Variants in IRAK2 observed in about 807,000 individuals in gnomAD.
IRAK2 encodes the protein interleukin 1 receptor associated kinase 2.
Under a neutral mutation model 72.0 loss-of-function variants are expected in IRAK2, and 57 were observed. The ratio of observed to expected loss-of-function variants is 0.79; its 90% confidence interval spans 0.64 to 0.99. The LOEUF is 0.99. Among genes scored for constraint, IRAK2 ranks in the 50% least tolerant of loss-of-function variants. The pLI is 0.00. For synonymous variants in IRAK2, 293 were observed against 312.7 expected, an observed-to-expected ratio of 0.94 and a Z score of 0.67; for missense variants, 790 against 794.4, an observed-to-expected ratio of 0.99 and a Z score of 0.07.
At chr3:10,192,865 G>A (rs1697199318) in intron 2 of IRAK2, among the ~76,000 whole-genome samples, 1 of 152,208 alleles carries the variant, frequency 6.6e-6, no homozygotes, top group Non-Finnish European at 1.5e-5. Context: ...GTTGTAATGA[G>A]CAGAGATCGT....
At chr3:10,196,931 A>T (rs1475589033) in intron 2 of IRAK2, among the ~76,000 whole-genome samples, 1 of 152,140 alleles carries the variant, frequency 6.6e-6, no homozygotes, top group Non-Finnish European at 1.5e-5. Flanking sequence ...AACGCTACTC[A>T]CACTAGCTTG....
intron 2 of IRAK2, among the ~76,000 whole-genome samples, chr3:10,190,480 A>G (rs1002432863): frequency 6.6e-6 from 1 of 151,862 alleles, no homozygotes; most frequent in African/African-American, 2.4e-5. Flanking sequence ...TGAGTGGCTA[A>G]GGACAGGTCA....
intron 3 of IRAK2, among the ~76,000 whole-genome samples, chr3:10,206,245 A>G (rs1195000716): frequency 6.6e-6 from 1 of 152,030 alleles, no homozygotes; most frequent in Non-Finnish European, 1.5e-5. Context: ...TGCCTAGTGT[A>G]CCCTCTGCAC....
chr3:10,220,766 A>G (rs1387717331), intron 8 of IRAK2, among the ~76,000 whole-genome samples: 1 of 151,960 alleles, frequency 6.6e-6, no homozygotes, highest in Non-Finnish European at 1.5e-5. Flanking sequence ...ATTTGATTGC[A>G]TCAATAATTC....
At chr3:10,183,861 G>A (rs779185362) in intron 2 of IRAK2, among the ~76,000 whole-genome samples, 1 of 152,204 alleles carries the variant, frequency 6.6e-6, no homozygotes, top group Non-Finnish European at 1.5e-5. Context: ...AGCCATCCAT[G>A]TCTTGGGCTC....
chr3:10,177,779 A>G lies in IRAK2; in HGVS notation c.95-59A>G, dbSNP rs2306695. ...AGCCCAGCTAGGGGCTAGTGTGGGGACCTGTCCTAGAGGGACTGCCTCTCT... is the reference window on the plus strand; with the variant it reads ...AGCCCAGCTAGGGGCTAGTGTGGGGGCCTGTCCTAGAGGGACTGCCTCTCT... On this transcript the variant is annotated intron_variant, in intron 1 of 12. Coordinates refer to ENST00000256458, the MANE Select transcript of IRAK2 (RefSeq NM_001570.4). 5.3e-5 allele frequency: 82 copies of G among 1,540,294 alleles called. No individual in the cohort carries two copies. The East Asian group carries it at 1.6e-3, about 30-fold the overall frequency.
chr3:10,239,416 AAC>A (rs1335499439), intron 12 of IRAK2, among the ~76,000 whole-genome samples: 1 of 152,146 alleles, frequency 6.6e-6, no homozygotes, highest in African/African-American at 2.4e-5. Flanking sequence ...AGCTTTTAAA[AAC>A]ACAGTGCCGG....
In IRAK2 at chr3:10,208,109, G is replaced by A. The variant is rs139756553; in HGVS notation, c.425-1480G>A. On this transcript the variant is annotated intron_variant, in intron 3 of 12. Transcript: ENST00000256458. ...CTGGTAGGGGGGCTCCTCGGTGGGC[G>A]CAGGCACAGACTGTGGGTGAGGTGG... 5.3e-3 allele frequency among the ~76,000 whole-genome samples: 808 copies of A among 151,894 alleles called. 8 individuals are homozygous for A. Among genetic ancestry groups the A allele is most frequent in the African/African-American group, 0.018 (746 of 41,422 alleles).
chr3:10,177,737 G>C lies in IRAK2; in HGVS notation c.95-101G>C, dbSNP rs969641003. The C allele has an allele frequency of 6.1e-6, 7 of 1,155,772 alleles. No individual in the cohort carries two copies. In the African/African-American group the frequency reaches 1.0e-4, roughly 17 times the overall value. 71.6% of individuals were successfully genotyped at this position (1,155,772 alleles called of 1,614,324 possible). A position where few individuals can be genotyped will look rare whatever the true frequency, so the allele number is the denominator to read the frequency against. Reference sequence around the variant, plus strand: ...TTTCCAGTGTGGAGGCGGTGGTTGGGGAGGATGTCCTGGAAAAGCCCAGCT... The same window carrying C: ...TTTCCAGTGTGGAGGCGGTGGTTGGCGAGGATGTCCTGGAAAAGCCCAGCT... On this transcript the variant is annotated intron_variant, in intron 1 of 12. Transcript: ENST00000256458.
intron 12 of IRAK2, among the ~76,000 whole-genome samples, chr3:10,239,426 C>T (rs1421658420): frequency 1.3e-5 from 2 of 152,108 alleles, no homozygotes; most frequent in Admixed American, 6.6e-5. Flanking sequence ...AACACAGTGC[C>T]GGCCAGGCGA....
In IRAK2 at chr3:10,216,915, C is replaced by T; in HGVS notation, c.789-19C>T. On this transcript the variant is annotated intron_variant, in intron 6 of 12. Coordinates refer to ENST00000256458, the MANE Select transcript of IRAK2 (RefSeq NM_001570.4). Reference sequence around the variant, plus strand: ...CTTTCCGTCTGACTCCTCACACCTGCACTGACGCCCGATTCCAGATGCTGC... The same window carrying T: ...CTTTCCGTCTGACTCCTCACACCTGTACTGACGCCCGATTCCAGATGCTGC... The T allele has an allele frequency of 6.3e-7, 1 of 1,578,424 alleles. No individual in the cohort carries two copies. Among genetic ancestry groups the T allele is most frequent in the Non-Finnish European group, 8.7e-7 (1 of 1,147,368 alleles).
chr3:10,191,043 C>A (rs1697166846), intron 2 of IRAK2, among the ~76,000 whole-genome samples: 1 of 151,998 alleles, frequency 6.6e-6, no homozygotes. Context: ...GCCTGTAATC[C>A]CAGCACTTTG....
At chr3:10,217,504 G>A (rs1257283664) in intron 7 of IRAK2, among the ~76,000 whole-genome samples, 1 of 152,144 alleles carries the variant, frequency 6.6e-6, no homozygotes, top group African/African-American at 2.4e-5. Context: ...ATGGAAAAGT[G>A]GAGGTGAATT....
intron 6 of IRAK2, among the ~76,000 whole-genome samples, chr3:10,215,969 G>T (rs180742122): frequency 3.3e-4 from 50 of 152,282 alleles, no homozygotes; most frequent in African/African-American, 9.6e-4. Flanking sequence ...GAGGTTTATG[G>T]TCCAGTGGGG....
At chr3:10,201,311 G>A (rs1035081911) in intron 3 of IRAK2, among the ~76,000 whole-genome samples, 3 of 152,198 alleles carry the variant, frequency 2.0e-5, no homozygotes, top group Non-Finnish European at 4.4e-5. Context: ...GTGGTCTCCC[G>A]TGTCCCCAGC....
intron 2 of IRAK2, among the ~76,000 whole-genome samples, chr3:10,195,902 A>C (rs1241989949): frequency 6.6e-6 from 1 of 151,960 alleles, no homozygotes; most frequent in Non-Finnish European, 1.5e-5. Flanking sequence ...TTGAGGAGGG[A>C]GGGTGGAGGG....
chr3:10,242,842 T>G lies in IRAK2; in HGVS notation c.*614T>G, dbSNP rs1408298880. 2 of 152,222 alleles carry G rather than the reference T, an allele frequency of 1.3e-5. No individual in the cohort carries two copies. Among genetic ancestry groups the G allele is most frequent in the Non-Finnish European group, 2.9e-5 (2 of 68,076 alleles). 9.4% of individuals were successfully genotyped at this position (152,222 alleles called of 1,614,324 possible). ...TCAACTTGTGTCTCAGTGCAGTTCT[T>G]GACTCACCTCTCTGGGCCTCAGGTT... On this transcript the variant is annotated 3_prime_UTR_variant, in exon 13 of 13. Coordinates refer to ENST00000256458, the MANE Select transcript of IRAK2 (RefSeq NM_001570.4).
chr3:10,230,145 G>A (rs578256233), intron 10 of IRAK2, among the ~76,000 whole-genome samples: 110 of 152,170 alleles, frequency 7.2e-4, no homozygotes, highest in African/African-American at 2.6e-3. Context: ...TTCTGACAGG[G>A]ACATATCTCC....
intron 12 of IRAK2, 53 bp downstream of exon 12, chr3:10,239,092 C>T (rs938244592): frequency 1.0e-4 from 147 of 1,456,560 alleles, no homozygotes; most frequent in Non-Finnish European, 1.3e-4. Context: ...TCCCCAACTT[C>T]AGCCCATCAT....
Sources: gnomAD v4.1 joint callset for allele counts (sites outside exome capture counted in the v4.1 genomes callset) on GRCh38, gnomAD v4.1.1 for gene constraint, MANE v1.5 for transcripts, NCBI Gene and HGNC (gene_info 2026-07-23, HGNC 2026-07-21) for gene names.